Variants in JMJD1C observed in about 807,000 individuals in gnomAD.
The protein encoded by JMJD1C is jumonji domain-containing protein 1C.
JMJD1C carries 31 observed loss-of-function variants against 245.3 expected under a neutral mutation model. The observed-to-expected ratio is 0.13, with a 90% CI of 0.09 to 0.17. The LOEUF (loss-of-function observed/expected upper bound fraction) is 0.17. Ranked by LOEUF, JMJD1C falls within the 10% of genes least tolerant of loss-of-function variation. JMJD1C has a pLI of 1.00. For missense variants in JMJD1C, 2,691 were observed against 3,000.2 expected, an observed-to-expected ratio of 0.90 and a Z score of 2.41; for synonymous variants, 1,057 against 1,017.4, an observed-to-expected ratio of 1.04 and a Z score of -0.74.
chr10:63,185,480 C>T, intron 20 of JMJD1C, 83 bp downstream of exon 20: 4 of 807,632 alleles, frequency 5.0e-6, no homozygotes, highest in Non-Finnish European at 8.6e-6. Flanking sequence ...CTACAGGTCA[C>T]ATTTACGGTT....
chr10:63,453,932 A>C (rs562814281), intron 1 of JMJD1C, among the ~76,000 whole-genome samples: 2 of 152,160 alleles, frequency 1.3e-5, no homozygotes, highest in African/African-American at 4.8e-5. Flanking sequence ...CATGTTGGCC[A>C]GGCTGGTCTT....
chr10:63,254,692 CAA>C (rs1245774977), intron 3 of JMJD1C, among the ~76,000 whole-genome samples: 2 of 112,564 alleles, frequency 1.8e-5, no homozygotes, highest in African/African-American at 5.5e-5. Context: ...AGGTGTCCCG[CAA>C]AAGTTTTTTT....
intron 1 of JMJD1C, among the ~76,000 whole-genome samples, chr10:63,402,889 G>A (rs1948951246): frequency 6.6e-6 from 1 of 152,086 alleles, no homozygotes; most frequent in Admixed American, 6.6e-5. Flanking sequence ...TGCTAGTTAA[G>A]TCCCTGAAGA....
At chr10:63,394,974 A>G (rs1389150111) in intron 1 of JMJD1C, among the ~76,000 whole-genome samples, 4 of 152,218 alleles carry the variant, frequency 2.6e-5, no homozygotes, top group Non-Finnish European at 4.4e-5. Context: ...GTATTTCACA[A>G]AAGACTTGTA....
chr10:63,227,626 T>C (rs1342150435), intron 3 of JMJD1C, among the ~76,000 whole-genome samples: 1 of 152,254 alleles, frequency 6.6e-6, no homozygotes, highest in Non-Finnish European at 1.5e-5. Flanking sequence ...TATAAAACCC[T>C]TGACCTTTGT....
chr10:63,194,201 G>T, intron 14 of JMJD1C, 85 bp downstream of exon 14: 1 of 853,650 alleles, frequency 1.2e-6, no homozygotes, highest in Non-Finnish European at 2.0e-6. Context: ...TCTCCACCCT[G>T]TTATATTTCT....
chr10:63,502,883 T>A (rs1055698365), intron 1 of JMJD1C, among the ~76,000 whole-genome samples: 1 of 152,192 alleles, frequency 6.6e-6, no homozygotes, highest in African/African-American at 2.4e-5. Context: ...AAACATGAGC[T>A]GCACAGCTGT....
intron 14 of JMJD1C, 61 bp from the exon 15 acceptor site, chr10:63,193,533 T>C: frequency 1.6e-6 from 2 of 1,241,558 alleles, no homozygotes; most frequent in South Asian, 1.5e-5. Context: ...CTGTAAAATT[T>C]TTTTCTTACA....
chr10:63,387,629 A>AGTTTTTT (rs1554915199), intron 1 of JMJD1C, among the ~76,000 whole-genome samples: 1 of 37,840 alleles, frequency 2.6e-5, no homozygotes, highest in Non-Finnish European at 4.3e-5. Flanking sequence ...GAAAAAAAAA[A>AGTTTTTT]TTTTTTTTTT....
intron 2 of JMJD1C, among the ~76,000 whole-genome samples, chr10:63,327,731 C>T (rs1941687852): frequency 6.6e-6 from 1 of 151,832 alleles, no homozygotes; most frequent in Non-Finnish European, 1.5e-5. Context: ...GGCAATGGCG[C>T]AATCTTGGCT....
intron 2 of JMJD1C, among the ~76,000 whole-genome samples, chr10:63,278,618 G>A (rs745949034): frequency 6.6e-6 from 1 of 151,808 alleles, no homozygotes; most frequent in Non-Finnish European, 1.5e-5. Flanking sequence ...GCACCTTTAG[G>A]AGGCCGAAGT....
At chr10:63,407,700 A>T (rs544990731) in intron 1 of JMJD1C, among the ~76,000 whole-genome samples, 2 of 152,110 alleles carry the variant, frequency 1.3e-5, no homozygotes, top group South Asian at 4.1e-4. Flanking sequence ...AAGAAAATAG[A>T]CCAAAGAGAA....
At chr10:63,432,972 T>C (rs118067198) in intron 1 of JMJD1C, among the ~76,000 whole-genome samples, 1,970 of 152,366 alleles carry the variant, frequency 0.013, 22 homozygotes, top group South Asian at 0.028. Flanking sequence ...GATGCTTTCA[T>C]TAACTGTCCT....
chr10:63,200,703 G>C, intron 10 of JMJD1C, 26 bp from the exon 11 acceptor site: 1 of 1,591,044 alleles, frequency 6.3e-7, no homozygotes, highest in Non-Finnish European at 8.6e-7. Context: ...GAAAGTTTTA[G>C]CAAGATTATG....
chr10:63,376,388 C>A (rs191294778), intron 2 of JMJD1C, among the ~76,000 whole-genome samples: 8 of 152,030 alleles, frequency 5.3e-5, no homozygotes, highest in Admixed American at 2.0e-4. Context: ...AATACAACAA[C>A]AAAGGCATAA....
rs569169656 is a variant in JMJD1C, at chr10:63,186,915, G to A, written c.6571-532C>T. ...TCTGAAAAATGATATTTACTAGGCT[G>A]GGTGTAGCAATGCATTCTTGTAGTC... On this transcript the variant is annotated intron_variant, in intron 18 of 25. Coordinates refer to ENST00000399262, the MANE Select transcript of JMJD1C (RefSeq NM_032776.3). 5.9e-5 allele frequency among the ~76,000 whole-genome samples: 9 copies of A among 152,308 alleles called. No individual in the cohort carries two copies. In the South Asian group the frequency reaches 1.9e-3, roughly 32 times the overall value.
intron 4 of JMJD1C, among the ~76,000 whole-genome samples, chr10:63,218,866 T>G (rs115691107): frequency 1.4e-3 from 207 of 152,306 alleles, no homozygotes; most frequent in African/African-American, 4.2e-3. Flanking sequence ...GTTAAAATCT[T>G]CGACGTTTAT....
chr10:63,281,458 CTTTTTTTTTT>C (rs71025144), intron 2 of JMJD1C, among the ~76,000 whole-genome samples: 13 of 65,384 alleles, frequency 2.0e-4, no homozygotes, highest in East Asian at 5.0e-4. Context: ...TGCGCCTGGC[CTTTTTTTTTT>C]TTTTTTTTTT....
At chr10:63,433,272 T>G (rs1950876749) in intron 1 of JMJD1C, among the ~76,000 whole-genome samples, 1 of 151,988 alleles carries the variant, frequency 6.6e-6, no homozygotes, top group Admixed American at 6.6e-5. Flanking sequence ...AATTCTGTAT[T>G]TTTAGTAGAG....
Sources: allele counts gnomAD v4.1 joint callset (sites outside exome capture counted in the v4.1 genomes callset), GRCh38; gene constraint gnomAD v4.1.1; transcripts MANE v1.5; gene names NCBI Gene and HGNC (gene_info 2026-07-23, HGNC 2026-07-21).